TAFAZZIN: variants seen among roughly 807,000 people sequenced by gnomAD.
The protein encoded by TAFAZZIN is protein G4.5.
Under a neutral mutation model 27.3 loss-of-function variants are expected in TAFAZZIN, and 6 were observed. The observed-to-expected ratio is 0.22, with a 90% confidence interval of 0.12 to 0.43. The LOEUF is 0.43. Among genes scored for constraint, TAFAZZIN ranks in the 20% least tolerant of loss-of-function variants. The pLI is 1.00. For missense variants in TAFAZZIN, 127 were observed against 244.5 expected (o/e 0.52, Z 3.21); for synonymous variants, 79 against 96.2 (o/e 0.82, Z 1.04).
At chrX:154,414,805 A>G (rs2068435922) in intron 5 of TAFAZZIN, among the ~76,000 whole-genome samples, 1 of 109,571 alleles carries the variant, frequency 9.1e-6, no homozygotes, top group Non-Finnish European at 1.9e-5. Context: ...CCTAACCAAC[A>G]TGGTGAAACC....
rs181382694 is a variant in TAFAZZIN, at chrX:154,413,829, A to C, written c.370+262A>C. On this transcript the variant is annotated intron_variant, in intron 4 of 10. Coordinates refer to ENST00000601016, the MANE Select transcript of TAFAZZIN (RefSeq NM_000116.5). Reference sequence around the variant, plus strand: ...AGAATTCAAGGAGGCATTATCCATAACCCCTTCTCTCAGGGATGTCACTAA... The same window carrying C: ...AGAATTCAAGGAGGCATTATCCATACCCCCTTCTCTCAGGGATGTCACTAA... Among the ~76,000 whole-genome samples the C allele has an allele frequency of 0.011, 1,168 of 110,963 alleles. 13 individuals carry two copies. The highest frequency in any genetic ancestry group is 0.036 in the African/African-American group (1,112 of 30,526).
At chrX:154,412,022 G>A in intron 1 of TAFAZZIN, 64 bp from the exon 2 acceptor site, 1 of 1,205,208 alleles carries the variant, frequency 8.3e-7, no homozygotes, top group Non-Finnish European at 1.1e-6. Flanking sequence ...ACTTAGGGTG[G>A]GGGACGCCGC....
chrX:154,415,528 G>A (rs942157768), intron 5 of TAFAZZIN, among the ~76,000 whole-genome samples: 2 of 111,303 alleles, frequency 1.8e-5, no homozygotes, highest in East Asian at 2.8e-4. Context: ...AGGTAGGTAC[G>A]TAGGTAGATA....
Position 154,417,113 on chromosome X carries a change from C to T in TAFAZZIN, c.461-2430C>T, listed in dbSNP as rs1189589275. Among the ~76,000 whole-genome samples, 6 of 105,357 alleles carry T rather than the reference C, an allele frequency of 5.7e-5. No homozygotes were observed. The East Asian group carries it at 1.5e-3, about 26-fold the overall frequency. 91.5% of individuals were successfully genotyped at this position (105,357 alleles called of 115,157 possible). A position where few individuals can be genotyped will look rare whatever the true frequency, so the allele number is the denominator to read the frequency against. On this transcript the variant is annotated intron_variant, in intron 5 of 10. Coordinates refer to ENST00000601016, the MANE Select transcript of TAFAZZIN (RefSeq NM_000116.5). ...TTGCGCCACTGCACTCCAGCCTGGG[C>T]GACAGAGCGAGACTCCGTCTCAAAA...
chrX:154,414,047 G>A (rs1557191981), intron 4 of TAFAZZIN, 54 bp from the exon 5 acceptor site: 1 of 805,763 alleles, frequency 1.2e-6, no homozygotes, highest in Non-Finnish European at 1.9e-6. Flanking sequence ...CAAGGTCATG[G>A]GGTAGGAGGT....
chrX:154,419,776 A>G (rs376393056), intron 7 of TAFAZZIN, 30 bp downstream of exon 7: 82 of 1,210,411 alleles, frequency 6.8e-5, no homozygotes, highest in Non-Finnish European at 8.9e-5. Flanking sequence ...GGCCACAGCC[A>G]TCCTCCCGGC....
At chrX:154,413,899 G>A (rs1203936424) in intron 4 of TAFAZZIN, among the ~76,000 whole-genome samples, 2 of 111,620 alleles carry the variant, frequency 1.8e-5, no homozygotes, top group Non-Finnish European at 3.8e-5. Flanking sequence ...CATGGTGGCA[G>A]TAGCATGTAC....
In TAFAZZIN at chrX:154,414,208, G is replaced by C; in HGVS notation, c.460+18G>C. On this transcript the variant is annotated intron_variant, in intron 5 of 10. Transcript: ENST00000601016. Reference sequence around the variant, plus strand: ...AGAGAAAGGTAAGCCAGGCATAGCGGTTCACACTTGTCATCCCAGCACTTT... The same window carrying C: ...AGAGAAAGGTAAGCCAGGCATAGCGCTTCACACTTGTCATCCCAGCACTTT... 8.5e-7 allele frequency: 1 copy of C among 1,182,904 alleles called. No homozygotes were observed. The highest frequency in any genetic ancestry group is 1.8e-5 in the South Asian group (1 of 55,111).
In TAFAZZIN at chrX:154,412,156, C is replaced by T; in HGVS notation, c.180C>T (p.Ala60=). 1.7e-6 allele frequency: 2 copies of T among 1,203,348 alleles called. No individual in the cohort carries two copies. The highest frequency in any genetic ancestry group is 3.6e-5 in the South Asian group (2 of 55,681). The change falls in exon 2 of 11, where the codon GCC becomes GCT. Residue 60 remains alanine (A), a synonymous_variant. Transcript: ENST00000601016. ...AGCTCATCGAGAAGCGAGGCCCGGC[C>T]ACGCCCCTCATCACCGTGTCCAATC... ...LYELIEKRGP[A]TPLITVSNHQ...
At position 154,421,067 on chromosome X, in the gene TAFAZZIN, T is replaced by TG; in HGVS notation, c.*64dup. On this transcript the variant is annotated 3_prime_UTR_variant, in exon 11 of 11. Transcript: ENST00000601016. ...GAGCTGGGGCTGAGGGATGGACTGA[T>TG]GCTTTTAGCTCAAACGTGGCTTTTA... The TG allele has an allele frequency of 9.5e-7, 1 of 1,056,105 alleles. No individual in the cohort carries two copies. 87.0% of individuals were successfully genotyped at this position (1,056,105 alleles called of 1,213,427 possible).
chrX:154,411,780 G>T lies in TAFAZZIN; in HGVS notation c.-64G>T. 9.5e-7 allele frequency: 1 copy of T among 1,054,873 alleles called. No homozygotes were observed. The highest frequency in any genetic ancestry group is 2.0e-5 in the South Asian group (1 of 50,528). The allele number at this position is 1,054,873 out of a possible 1,213,427, so 86.9% of individuals were successfully genotyped here. ...AGTGTCTCGAGCGGTCGAGGTCGCA[G>T]ACCTAGAGGCGCCCCACAGGCCGGC... On this transcript the variant is annotated 5_prime_UTR_variant, in exon 1 of 11. Coordinates refer to ENST00000601016, the MANE Select transcript of TAFAZZIN (RefSeq NM_000116.5).
chrX:154,421,175 A>G lies in TAFAZZIN; in HGVS notation c.*171A>G. On this transcript the variant is annotated 3_prime_UTR_variant, in exon 11 of 11. Coordinates refer to ENST00000601016, the MANE Select transcript of TAFAZZIN (RefSeq NM_000116.5). ...CTCCTCCGTGCTTCCTCAGTTACACAAAGGACCTCAGCTGCTTCTCCCACT... is the reference window on the plus strand; with the variant it reads ...CTCCTCCGTGCTTCCTCAGTTACACGAAGGACCTCAGCTGCTTCTCCCACT... The G allele has an allele frequency of 1.9e-6, 1 of 520,533 alleles. No individual in the cohort carries two copies. The highest frequency in any genetic ancestry group is 3.4e-6 in the Non-Finnish European group (1 of 294,132). The allele number at this position is 520,533 out of a possible 1,213,427, so 42.9% of individuals were successfully genotyped here.
intron 9 of TAFAZZIN, 71 bp downstream of exon 9, chrX:154,420,335 A>ATG: frequency 8.8e-7 from 1 of 1,136,885 alleles, no homozygotes; most frequent in South Asian, 1.8e-5. Flanking sequence ...ACTCAGCACT[A>ATG]TGGAGGCCAG....
At position 154,413,217 on chromosome X, in the gene TAFAZZIN, A is replaced by G. The variant is rs1603377596; in HGVS notation, c.249A>G (p.Lys83=). 8.3e-7 allele frequency: 1 copy of G among 1,211,183 alleles called. No individual in the cohort carries two copies. Among genetic ancestry groups the G allele is most frequent in the Middle Eastern group, 2.3e-4 (1 of 4,341 alleles). ...TTTCCTGTCCTCTAGGGATCCTGAA[A>G]CTCCGCCACATCTGGAACCTGAAGT... ...MDDPHLWGIL[K]LRHIWNLKLM... The change falls in exon 3 of 11, where the codon AAA becomes AAG. Residue 83 remains lysine (K), a synonymous_variant. Coordinates refer to ENST00000601016, the MANE Select transcript of TAFAZZIN (RefSeq NM_000116.5).
In TAFAZZIN at chrX:154,421,103, T is replaced by A. The variant is rs781813191; in HGVS notation, c.*99T>A. The A allele has an allele frequency of 1.0e-5, 8 of 790,663 alleles. No individual in the cohort carries two copies. Among genetic ancestry groups the A allele is most frequent in the Non-Finnish European group, 1.3e-5 (7 of 534,248 alleles). The allele number at this position is 790,663 out of a possible 1,213,427, so 65.2% of individuals were successfully genotyped here. On this transcript the variant is annotated 3_prime_UTR_variant, in exon 11 of 11. Coordinates refer to ENST00000601016, the MANE Select transcript of TAFAZZIN (RefSeq NM_000116.5). ...CAAACGTGGCTTTTAGACAGATTTG[T>A]TCATAGACCCTCTCAAGTGCCCTCT...
At position 154,411,786 on chromosome X, in the gene TAFAZZIN, G is replaced by A; in HGVS notation, c.-58G>A. ...TCGAGCGGTCGAGGTCGCAGACCTA[G>A]AGGCGCCCCACAGGCCGGCCCGGGG... On this transcript the variant is annotated 5_prime_UTR_variant, in exon 1 of 11. Coordinates refer to ENST00000601016, the MANE Select transcript of TAFAZZIN (RefSeq NM_000116.5). 1 of 1,076,110 alleles carries A rather than the reference G, an allele frequency of 9.3e-7. No homozygotes were observed. 88.7% of individuals were successfully genotyped at this position (1,076,110 alleles called of 1,213,427 possible).
chrX:154,415,012 A>T (rs1557192430), intron 5 of TAFAZZIN, among the ~76,000 whole-genome samples: 2 of 108,579 alleles, frequency 1.8e-5, no homozygotes, highest in South Asian at 4.0e-4. Context: ...AAAAAAAAGA[A>T]TTTTGAATTA....
Position 154,421,050 on chromosome X carries a change from G to A in TAFAZZIN, c.*46G>A, listed in dbSNP as rs781975833. 9.2e-5 allele frequency: 103 copies of A among 1,116,374 alleles called. No homozygotes were observed. The highest frequency in any genetic ancestry group is 1.2e-4 in the Non-Finnish European group (101 of 812,610). 92.0% of individuals were successfully genotyped at this position (1,116,374 alleles called of 1,213,427 possible). A position where few individuals can be genotyped will look rare whatever the true frequency, so the allele number is the denominator to read the frequency against. On this transcript the variant is annotated 3_prime_UTR_variant, in exon 11 of 11. Coordinates refer to ENST00000601016, the MANE Select transcript of TAFAZZIN (RefSeq NM_000116.5). ...GATTCTTGGCCCGCACAGAGCTGGG[G>A]CTGAGGGATGGACTGATGCTTTTAG...
intron 7 of TAFAZZIN, 110 bp downstream of exon 7, chrX:154,419,856 G>T: frequency 8.9e-7 from 1 of 1,119,571 alleles, no homozygotes; most frequent in Non-Finnish European, 1.2e-6. Context: ...AGATGGGCGT[G>T]TTTGTAGCGC....
Sources: allele counts gnomAD v4.1 joint callset (sites outside exome capture counted in the v4.1 genomes callset), GRCh38; gene constraint gnomAD v4.1.1; transcripts MANE v1.5; gene names NCBI Gene and HGNC (gene_info 2026-07-23, HGNC 2026-07-21).